WFS1: variants seen among roughly 807,000 people sequenced by gnomAD.
The protein encoded by WFS1 is wolframin ER transmembrane glycoprotein.
A neutral mutation model predicts 68.5 loss-of-function variants in WFS1; 90 were observed. The observed-to-expected ratio is 1.31, with a 90% CI of 1.11 to 1.56. The LOEUF is 1.56. Among genes scored for constraint, WFS1 ranks in the 40% most tolerant of loss-of-function variants. The probability of loss-of-function intolerance (pLI) is 0.00; values close to 1 mark genes in which losing one functional copy is unlikely to be tolerated. For synonymous variants in WFS1, 860 were observed against 540.7 expected, an observed-to-expected ratio of 1.59 and a Z score of -8.19; for missense variants, 1,767 against 1,232.6, an observed-to-expected ratio of 1.43 and a Z score of -6.49.
At chr4:6,275,694 G>C (rs1045583695) in intron 1 of WFS1, among the ~76,000 whole-genome samples, 4 of 152,282 alleles carry the variant, frequency 2.6e-5, no homozygotes, top group African/African-American at 9.6e-5. Flanking sequence ...CGTGTGGATT[G>C]AAATCTGCAG....
At position 6,289,046 on chromosome 4, in the gene WFS1, C is replaced by T. The variant is rs762324196; in HGVS notation, c.375C>T (p.Thr125=). The T allele has an allele frequency of 1.3e-5, 21 of 1,605,022 alleles. No individual in the cohort carries two copies. Among genetic ancestry groups the T allele is most frequent in the African/African-American group, 8.0e-5 (6 of 74,836 alleles). ...CGGATGAAGAACTCAACAGCTGCAC[C>T]GCTGTGGACTGGCTGGTCCTCGCCG... is the stretch of plus-strand genomic sequence containing the variant. ...GDTDEELNSC[T]AVDWLVLAAK... The change falls in exon 4 of 8, where the codon ACC becomes ACT. Residue 125 remains threonine (T), a synonymous_variant. Transcript: ENST00000226760.
intron 7 of WFS1, among the ~76,000 whole-genome samples, chr4:6,299,880 A>ATGTG (rs201599652): frequency 3.5e-5 from 2 of 56,662 alleles, no homozygotes; most frequent in Non-Finnish European, 5.9e-5. Flanking sequence ...GGTGGGCTGC[A>ATGTG]TGTGTGTGTG....
chr4:6,299,967 G>A (rs1730812287), intron 7 of WFS1, among the ~76,000 whole-genome samples: 1 of 149,642 alleles, frequency 6.7e-6, no homozygotes, highest in Admixed American at 6.6e-5. Flanking sequence ...GCGTGTGTGT[G>A]TGTGCACGTG....
At chr4:6,280,917 C>T (rs1439586368) in intron 2 of WFS1, among the ~76,000 whole-genome samples, 2 of 152,210 alleles carry the variant, frequency 1.3e-5, no homozygotes, top group African/African-American at 4.8e-5. Context: ...AGCAGCAGCA[C>T]TCTCATCTCT....
chr4:6,293,541 A>C (rs1730529364), intron 6 of WFS1, among the ~76,000 whole-genome samples: 1 of 152,044 alleles, frequency 6.6e-6, no homozygotes, highest in Non-Finnish European at 1.5e-5. Context: ...CCCCTTGCTC[A>C]GTCACTTCTT....
At chr4:6,274,269 G>C (rs909063439) in intron 1 of WFS1, among the ~76,000 whole-genome samples, 4 of 151,662 alleles carry the variant, frequency 2.6e-5, no homozygotes, top group African/African-American at 4.8e-5. Context: ...GGATGGTCTT[G>C]ATCTCCTGAC....
At chr4:6,281,933 C>G (rs1298396261) in intron 2 of WFS1, among the ~76,000 whole-genome samples, 1 of 152,194 alleles carries the variant, frequency 6.6e-6, no homozygotes, top group East Asian at 1.9e-4. Flanking sequence ...ACTTTGCGCT[C>G]CAAGCCTCGG....
At chr4:6,273,049 C>T (rs1049078011) in intron 1 of WFS1, among the ~76,000 whole-genome samples, 2 of 152,254 alleles carry the variant, frequency 1.3e-5, no homozygotes, top group Non-Finnish European at 2.9e-5. Context: ...GGCAGAGGCA[C>T]TGATCAGAGA....
intron 4 of WFS1, among the ~76,000 whole-genome samples, chr4:6,290,010 G>C (rs6446479): frequency 0.65 from 99,370 of 152,084 alleles, 33,005 homozygotes; most frequent in East Asian, 0.94. Context: ...GCGATCTCAA[G>C]TCACTGTAAC....
At position 6,300,717 on chromosome 4, in the gene WFS1, T is replaced by G. The variant is rs775678710; in HGVS notation, c.922T>G (p.Ser308Ala). Reference protein sequence around the residue: ...EIKEYLIDMASRAGMHWLSTI... With the variant: ...EIKEYLIDMAARAGMHWLSTI... ...CAAGGAGTACCTGATTGACATGGCC[T>G]CCAGGGCAGGCATGCACTGGCTGTC... The change falls in exon 8 of 8, where the codon TCC (serine) becomes GCC (alanine). Residue 308 changes from serine (S) to alanine (A), a missense_variant. By Grantham distance (99) the Ser-to-Ala change is moderately conservative (BLOSUM62 1). Coordinates refer to ENST00000226760, the MANE Select transcript of WFS1 (RefSeq NM_006005.3). The G allele has an allele frequency of 6.2e-7, 1 of 1,614,040 alleles. No individual in the cohort carries two copies. Among genetic ancestry groups the G allele is most frequent in the Admixed American group, 1.7e-5 (1 of 60,006 alleles).
intron 2 of WFS1, among the ~76,000 whole-genome samples, chr4:6,280,243 T>A (rs867888928): frequency 1.3e-4 from 20 of 152,316 alleles, no homozygotes; most frequent in Admixed American, 3.9e-4. Context: ...TCCTGATTTT[T>A]GACAGCAGCC....
chr4:6,277,332 G>A (rs528263049), intron 1 of WFS1, 119 bp from the exon 2 acceptor site: 17 of 952,404 alleles, frequency 1.8e-5, no homozygotes, highest in African/African-American at 1.8e-4. Context: ...GCGAGATCCT[G>A]TATGGAGTGT....
intron 2 of WFS1, among the ~76,000 whole-genome samples, chr4:6,279,758 G>A (rs1730101861): frequency 6.6e-6 from 1 of 152,342 alleles, no homozygotes; most frequent in South Asian, 2.1e-4. Flanking sequence ...TCACTCTTCA[G>A]GGCATCAGGA....
chr4:6,289,957 G>A (rs1433618925), intron 4 of WFS1, among the ~76,000 whole-genome samples: 1 of 152,308 alleles, frequency 6.6e-6, no homozygotes, highest in Admixed American at 6.5e-5. Flanking sequence ...TTGTTGTTTT[G>A]AGATGGAGTC....
At chr4:6,285,816 G>T (rs184961932) in intron 2 of WFS1, among the ~76,000 whole-genome samples, 37 of 152,382 alleles carry the variant, frequency 2.4e-4, no homozygotes, top group Non-Finnish European at 4.7e-4. Flanking sequence ...CTGGTCCTCA[G>T]TGTGGTGTTA....
At position 6,300,716 on chromosome 4, in the gene WFS1, C is replaced by T. The variant is rs769721260; in HGVS notation, c.921C>T (p.Ala307=). The T allele has an allele frequency of 2.5e-6, 4 of 1,614,066 alleles. No individual in the cohort carries two copies. The highest frequency in any genetic ancestry group is 2.5e-6 in the Non-Finnish European group (3 of 1,179,988). ...TCAAGGAGTACCTGATTGACATGGC[C>T]TCCAGGGCAGGCATGCACTGGCTGT... ...MEIKEYLIDM[A]SRAGMHWLST... is the part of the protein sequence containing the mutation. Residue 307 remains alanine (A), a synonymous_variant, in exon 8 of 8, where the codon GCC becomes GCT. Transcript: ENST00000226760.
Position 6,291,265 on chromosome 4 carries a change from C to A in WFS1, c.529C>A (p.Arg177Ser), listed in dbSNP as rs760631912. 6.2e-7 allele frequency: 1 copy of A among 1,613,140 alleles called. No homozygotes were observed. Among genetic ancestry groups the A allele is most frequent in the East Asian group, 2.2e-5 (1 of 44,822 alleles). ...SSETDLERAV[R>S]KAALVMYWKL... is the part of the protein sequence containing the mutation. ...CGAGACCGACCTGGAGAGGGCCGTG[C>A]GCAAGGCAGCCCTGGTCATGTACTG... The change falls in exon 5 of 8, where the codon CGC (arginine) becomes AGC (serine). Residue 177 changes from arginine (R) to serine (S), a missense_variant. Arg to Ser is a moderately radical substitution (Grantham distance 110, BLOSUM62 -1). Coordinates refer to ENST00000226760, the MANE Select transcript of WFS1 (RefSeq NM_006005.3).
intron 2 of WFS1, among the ~76,000 whole-genome samples, chr4:6,282,301 C>T (rs774396651): frequency 1.3e-5 from 2 of 152,234 alleles, no homozygotes; most frequent in African/African-American, 2.4e-5. Flanking sequence ...GTGGGGGATG[C>T]GCCGGTGGTG....
At chr4:6,300,156 C>G (rs148524259) in intron 7 of WFS1, among the ~76,000 whole-genome samples, 2 of 152,138 alleles carry the variant, frequency 1.3e-5, no homozygotes, top group Admixed American at 1.3e-4. Flanking sequence ...GCCACCCCTC[C>G]GGGGACTGCC....
Sources: gnomAD v4.1 joint callset for allele counts (sites outside exome capture counted in the v4.1 genomes callset) on GRCh38, gnomAD v4.1.1 for gene constraint, MANE v1.5 for transcripts, NCBI Gene and HGNC (gene_info 2026-07-23, HGNC 2026-07-21) for gene names.